The following SND1 variants were observed in gnomAD, a reference collection of about 807,000 sequenced individuals.
SND1 encodes the protein staphylococcal nuclease domain-containing protein 1.
A neutral mutation model predicts 121.7 loss-of-function variants in SND1; 38 were observed. That is an observed-to-expected ratio of 0.31 (90% confidence interval 0.24 to 0.41). The LOEUF (loss-of-function observed/expected upper bound fraction) is 0.41, where lower values mean the gene tolerates loss of function less well. Among genes scored for constraint, SND1 ranks in the 10% least tolerant of loss-of-function variants. SND1 has a pLI of 1.00. For missense variants in SND1, 868 were observed against 1,184.6 expected, an observed-to-expected ratio of 0.73 and a Z score of 3.92; for synonymous variants, 401 against 447.4, an observed-to-expected ratio of 0.90 and a Z score of 1.31.
rs550626487 is a variant in SND1 at position 127,848,504 on chromosome 7, A to G, written c.1343+4080A>G. On this transcript the variant is annotated intron_variant, in intron 12 of 23. Coordinates refer to ENST00000354725, the MANE Select transcript of SND1 (RefSeq NM_014390.4). The stretch of plus-strand genomic sequence containing the variant: ...GGAAGGGTTAGTAAAGAGAGCTTCT[A>G]TGGCTTGCATAGCCTCTGAAAAGTG... Among the ~76,000 whole-genome samples the G allele has an allele frequency of 3.3e-5, 5 of 152,360 alleles. No homozygotes were observed. The South Asian group carries it at 8.3e-4, about 25-fold the overall frequency.
intron 10 of SND1, among the ~76,000 whole-genome samples, chr7:127,761,096 T>C (rs1797297689): frequency 1.3e-5 from 2 of 152,188 alleles, no homozygotes; most frequent in Non-Finnish European, 2.9e-5. Context: ...TCCATATGGT[T>C]TTCTAGGCCA....
intron 12 of SND1, among the ~76,000 whole-genome samples, chr7:127,859,916 AC>A (rs1799346546): frequency 6.6e-6 from 1 of 152,152 alleles, no homozygotes; most frequent in African/African-American, 2.4e-5. Context: ...CAGCATAGAT[AC>A]AGGTAATAGG....
intron 1 of SND1, among the ~76,000 whole-genome samples, chr7:127,658,684 C>T (rs1411923879): frequency 6.6e-6 from 1 of 152,212 alleles, no homozygotes; most frequent in East Asian, 1.9e-4. Context: ...GGTAAGAACT[C>T]GCTTACGCAT....
chr7:127,851,663 G>A (rs1414732477), intron 12 of SND1, among the ~76,000 whole-genome samples: 1 of 152,092 alleles, frequency 6.6e-6, no homozygotes. Flanking sequence ...GAATATATTG[G>A]TAATTCTAAA....
chr7:128,082,646 A>C (rs1344618439), intron 18 of SND1, among the ~76,000 whole-genome samples: 1 of 152,194 alleles, frequency 6.6e-6, no homozygotes, highest in Non-Finnish European at 1.5e-5. Flanking sequence ...TGCCTGAATG[A>C]ACCGGGGCGG....
intron 10 of SND1, among the ~76,000 whole-genome samples, chr7:127,729,945 T>C (rs1172628046): frequency 6.6e-6 from 1 of 152,228 alleles, no homozygotes; most frequent in East Asian, 1.9e-4. Context: ...TTATGGGCTG[T>C]TCACATTGGA....
chr7:128,045,309 G>A (rs1164218484), intron 16 of SND1, among the ~76,000 whole-genome samples: 1 of 152,154 alleles, frequency 6.6e-6, no homozygotes. Context: ...AGAGTTCTAA[G>A]CCATGCTCCA....
chr7:127,807,995 A>T (rs1364244158), intron 11 of SND1, among the ~76,000 whole-genome samples: 1 of 151,950 alleles, frequency 6.6e-6, no homozygotes, highest in African/African-American at 2.4e-5. Context: ...GGAAGAGGGG[A>T]TGACCTGGAC....
intron 16 of SND1, among the ~76,000 whole-genome samples, chr7:128,002,287 A>G (rs1055078839): frequency 6.6e-6 from 1 of 152,126 alleles, no homozygotes; most frequent in Admixed American, 6.5e-5. Flanking sequence ...ACGGAAACCT[A>G]TTTTCCATCC....
intron 10 of SND1, among the ~76,000 whole-genome samples, chr7:127,796,042 G>A (rs746822777): frequency 3.3e-5 from 5 of 151,656 alleles, no homozygotes; most frequent in South Asian, 2.1e-4. Flanking sequence ...TATTTTTAGT[G>A]GAGACGGGGT....
intron 18 of SND1, 75 bp from the exon 19 acceptor site, chr7:128,084,646 AACC>A: frequency 6.8e-7 from 1 of 1,474,880 alleles, no homozygotes; most frequent in Admixed American, 2.2e-5. Context: ...CTCCCTCCCC[AACC>A]ACTCCCAGAA....
At chr7:127,781,603 T>C (rs529634769) in intron 10 of SND1, among the ~76,000 whole-genome samples, 2 of 152,304 alleles carry the variant, frequency 1.3e-5, no homozygotes, top group South Asian at 4.1e-4. Flanking sequence ...TTTTTTCCAC[T>C]TGGAATAGAA....
chr7:127,687,950 A>G (rs898829684), intron 2 of SND1, among the ~76,000 whole-genome samples: 1 of 152,082 alleles, frequency 6.6e-6, no homozygotes, highest in Non-Finnish European at 1.5e-5. Context: ...GCCCTAAAGT[A>G]CTGGGATTAC....
chr7:127,733,279 G>T (rs1796712905), intron 10 of SND1, among the ~76,000 whole-genome samples: 1 of 152,172 alleles, frequency 6.6e-6, no homozygotes, highest in East Asian at 1.9e-4. Flanking sequence ...GGGATGGAAA[G>T]TCCCTCACGG....
chr7:127,694,802 T>G (rs758017843), intron 2 of SND1, 26 bp from the exon 3 acceptor site: 1 of 1,612,544 alleles, frequency 6.2e-7, no homozygotes, highest in African/African-American at 1.3e-5. Flanking sequence ...GCAGTTCTCA[T>G]GTGACATATT....
At chr7:127,723,422 AGATCTTACTCCATT>A (rs781675906) in intron 10 of SND1, among the ~76,000 whole-genome samples, 1 of 151,592 alleles carries the variant, frequency 6.6e-6, no homozygotes, top group Non-Finnish European at 1.5e-5. Flanking sequence ...TTCACTCCTG[AGATCTTACTCCATT>A]TTAAGACAGT....
intron 15 of SND1, among the ~76,000 whole-genome samples, chr7:127,945,181 T>C (rs1801300581): frequency 6.6e-6 from 1 of 152,236 alleles, no homozygotes; most frequent in Non-Finnish European, 1.5e-5. Flanking sequence ...GTTTCTTGGC[T>C]AACGTTTTGA....
chr7:128,045,942 G>A (rs571729619), intron 16 of SND1, among the ~76,000 whole-genome samples: 149 of 152,282 alleles, frequency 9.8e-4, no homozygotes, highest in Non-Finnish European at 1.6e-3. Context: ...TTCCCCACAA[G>A]CATCTCAGCT....
intron 16 of SND1, among the ~76,000 whole-genome samples, chr7:128,021,755 G>A (rs972223293): frequency 6.6e-6 from 1 of 152,158 alleles, no homozygotes; most frequent in African/African-American, 2.4e-5. Context: ...GAAATGTTAG[G>A]AAGAAAGAGC....
Sources: allele counts gnomAD v4.1 joint callset (sites outside exome capture counted in the v4.1 genomes callset), GRCh38; gene constraint gnomAD v4.1.1; transcripts MANE v1.5; gene names NCBI Gene and HGNC (gene_info 2026-07-23, HGNC 2026-07-21).